The following NELL1 variants were observed in gnomAD, a reference collection of about 807,000 sequenced individuals.
NELL1 encodes neural EGFL like 1.
In NELL1, 76 loss-of-function variants were observed where a neutral mutation model predicts 107.4. The ratio of observed to expected loss-of-function variants is 0.71; its 90% CI spans 0.59 to 0.86. The LOEUF (loss-of-function observed/expected upper bound fraction) is 0.86. NELL1 is among the 40% of genes least tolerant of loss of function. The pLI, the probability that NELL1 is intolerant of heterozygous loss-of-function variation, is 0.00. For missense variants in NELL1, 1,024 were observed against 1,005.5 expected, an observed-to-expected ratio of 1.02 and a Z score of -0.25; for synonymous variants, 353 against 341.2, an observed-to-expected ratio of 1.03 and a Z score of -0.38.
intron 2 of NELL1, among the ~76,000 whole-genome samples, chr11:20,736,908 C>T (rs1346192560): frequency 6.6e-6 from 1 of 151,950 alleles, no homozygotes; most frequent in Admixed American, 6.6e-5. Flanking sequence ...GCATGTGCCA[C>T]CATGCCTGGC....
chr11:21,143,612 T>G (rs1855914666), intron 13 of NELL1, among the ~76,000 whole-genome samples: 1 of 152,162 alleles, frequency 6.6e-6, no homozygotes, highest in South Asian at 2.1e-4. Flanking sequence ...CATTAAACAG[T>G]AGAACTATCC....
intron 16 of NELL1, among the ~76,000 whole-genome samples, chr11:21,557,997 A>G (rs933582390): frequency 6.6e-6 from 1 of 152,052 alleles, no homozygotes; most frequent in Non-Finnish European, 1.5e-5. Context: ...TGAGAGAGGA[A>G]TGCAGGATAG....
intron 15 of NELL1, among the ~76,000 whole-genome samples, chr11:21,491,111 T>C (rs148346764): frequency 3.5e-4 from 53 of 152,022 alleles, no homozygotes; most frequent in African/African-American, 1.1e-3. Flanking sequence ...ATATAACAAA[T>C]AGTCCCATTA....
chr11:21,052,498 C>T (rs946870029), intron 12 of NELL1, among the ~76,000 whole-genome samples: 1 of 151,932 alleles, frequency 6.6e-6, no homozygotes, highest in Non-Finnish European at 1.5e-5. Context: ...GGGAGTATAG[C>T]CAATAATTTA....
chr11:21,370,920 T>C lies in NELL1; in HGVS notation c.1617T>C (p.Ser539=). Residue 539 remains serine (S), a synonymous_variant, in exon 15 of 20, where the codon TCT becomes TCC. Transcript: ENST00000357134. ...CTCCCAACAAATGTGTCTGTCCATC[T>C]GGATTCACAGGAAGCCACTGCGAGA... ...CVAPNKCVCP[S]GFTGSHCEKD... The C allele has an allele frequency of 6.2e-7, 1 of 1,611,566 alleles. No individual in the cohort carries two copies. The highest frequency in any genetic ancestry group is 2.2e-5 in the East Asian group (1 of 44,722).
At chr11:20,701,125 A>G (rs1425256024) in intron 2 of NELL1, among the ~76,000 whole-genome samples, 2 of 152,190 alleles carry the variant, frequency 1.3e-5, no homozygotes, top group Non-Finnish European at 2.9e-5. Flanking sequence ...AGCCCCACCA[A>G]CAGTGTAAAA....
chr11:20,906,728 A>C (rs1220263560), intron 5 of NELL1, among the ~76,000 whole-genome samples: 1 of 152,102 alleles, frequency 6.6e-6, no homozygotes, highest in Non-Finnish European at 1.5e-5. Context: ...TAATAGAATA[A>C]AGGAAAAAAA....
intron 2 of NELL1, among the ~76,000 whole-genome samples, chr11:20,771,671 A>G (rs987497548): frequency 1.3e-5 from 2 of 152,170 alleles, no homozygotes; most frequent in African/African-American, 2.4e-5. Context: ...TGCCAGCTCT[A>G]TTTTGAAGCT....
chr11:20,907,933 C>T (rs1382761975), intron 5 of NELL1, among the ~76,000 whole-genome samples: 10 of 151,866 alleles, frequency 6.6e-5, no homozygotes, highest in African/African-American at 1.9e-4. Flanking sequence ...TTTACACGGC[C>T]AAAAAACGTA....
rs200469622 is a variant in NELL1 at position 21,222,206 on chromosome 11, GTC to G, written c.1427-7124_1427-7123del. ...TTGTTTTTGTTTGTTTTTTGAGAGA[GTC>G]TTGCTCTGTCGCCGAGGCTGGATGG... On this transcript the variant is annotated intron_variant, in intron 13 of 19. Coordinates refer to ENST00000357134, the MANE Select transcript of NELL1 (RefSeq NM_006157.5). Among the ~76,000 whole-genome samples, 47 of 152,164 alleles carry G rather than the reference GTC, an allele frequency of 3.1e-4. No individual in the cohort carries two copies. In the East Asian group the frequency reaches 8.9e-3, roughly 29 times the overall value.
chr11:21,103,788 C>G (rs1018760106), intron 12 of NELL1, among the ~76,000 whole-genome samples: 1 of 152,190 alleles, frequency 6.6e-6, no homozygotes, highest in Non-Finnish European at 1.5e-5. Context: ...ATCTTTCTTG[C>G]ATTTTCAAGA....
chr11:20,742,534 T>C (rs1453792898), intron 2 of NELL1, among the ~76,000 whole-genome samples: 1 of 152,142 alleles, frequency 6.6e-6, no homozygotes, highest in African/African-American at 2.4e-5. Flanking sequence ...TTTAATAGAC[T>C]CACAGTTCCA....
At chr11:20,864,921 C>T (rs1196282354) in intron 4 of NELL1, among the ~76,000 whole-genome samples, 1 of 152,228 alleles carries the variant, frequency 6.6e-6, no homozygotes, top group African/African-American at 2.4e-5. Flanking sequence ...TCCTCCTGTA[C>T]AACATCCTCA....
intron 4 of NELL1, among the ~76,000 whole-genome samples, chr11:20,863,041 G>C (rs1447851734): frequency 6.6e-6 from 1 of 152,068 alleles, no homozygotes; most frequent in Non-Finnish European, 1.5e-5. Context: ...TTTCTCTTTT[G>C]CCCACCTTTC....
At chr11:21,514,596 A>G (rs1022958310) in intron 15 of NELL1, among the ~76,000 whole-genome samples, 25 of 152,026 alleles carry the variant, frequency 1.6e-4, no homozygotes, top group Non-Finnish European at 2.4e-4. Context: ...TGTTTTTTTT[A>G]GAGATGCCAG....
intron 12 of NELL1, among the ~76,000 whole-genome samples, chr11:21,049,367 C>T (rs11025891): frequency 0.32 from 48,505 of 151,980 alleles, 8,720 homozygotes; most frequent in African/African-American, 0.49. Context: ...CCCTTTTCAA[C>T]GTGCTTTTGA....
At chr11:21,077,007 T>A (rs1854152365) in intron 12 of NELL1, among the ~76,000 whole-genome samples, 1 of 151,936 alleles carries the variant, frequency 6.6e-6, no homozygotes, top group Non-Finnish European at 1.5e-5. Context: ...AATTACCGAG[T>A]CTCAGGTATT....
chr11:21,543,365 A>G (rs1313675420), intron 16 of NELL1, among the ~76,000 whole-genome samples: 1 of 152,054 alleles, frequency 6.6e-6, no homozygotes, highest in Non-Finnish European at 1.5e-5. Context: ...AAATGCAAGC[A>G]TGATTTTGGG....
intron 14 of NELL1, among the ~76,000 whole-genome samples, chr11:21,278,181 T>A (rs144047616): frequency 6.6e-6 from 1 of 152,270 alleles, no homozygotes; most frequent in East Asian, 1.9e-4. Context: ...CCTACAGCAA[T>A]GTCACACAAT....
Sources: allele counts gnomAD v4.1 joint callset (sites outside exome capture counted in the v4.1 genomes callset), GRCh38; gene constraint gnomAD v4.1.1; transcripts MANE v1.5; gene names NCBI Gene and HGNC (gene_info 2026-07-23, HGNC 2026-07-21).